The following SGMS1 variants were observed in gnomAD, a reference collection of about 807,000 sequenced individuals.
The protein encoded by SGMS1 is phosphatidylcholine:ceramide cholinephosphotransferase 1.
A neutral mutation model predicts 46.2 loss-of-function variants in SGMS1; 13 were observed. That is an observed-to-expected ratio of 0.28 (90% confidence interval 0.18 to 0.45). The LOEUF (loss-of-function observed/expected upper bound fraction) is 0.45. Among genes scored for constraint, SGMS1 ranks in the 20% least tolerant of loss-of-function variants. The pLI is 1.00. For synonymous variants in SGMS1, 203 were observed against 187.8 expected (o/e 1.08, Z -0.66); for missense variants, 324 against 519.9 (o/e 0.62, Z 3.66).
chr10:50,350,537 G>T (rs1183826508), intron 6 of SGMS1, among the ~76,000 whole-genome samples: 1 of 152,164 alleles, frequency 6.6e-6, no homozygotes, highest in Non-Finnish European at 1.5e-5. Context: ...ACAGGCCCAG[G>T]AGGAAAACGT....
At chr10:50,422,440 A>G (rs1487582228) in intron 6 of SGMS1, among the ~76,000 whole-genome samples, 2 of 152,184 alleles carry the variant, frequency 1.3e-5, no homozygotes, top group African/African-American at 4.8e-5. Flanking sequence ...GGCATGTTCC[A>G]ACAATACAGA....
chr10:50,579,766 A>G (rs186586069), intron 2 of SGMS1, among the ~76,000 whole-genome samples: 1 of 152,334 alleles, frequency 6.6e-6, no homozygotes, highest in Admixed American at 6.5e-5. Context: ...ACGGGAGTAA[A>G]CCAAGAAAGA....
At chr10:50,489,312 G>A (rs1254793807) in intron 3 of SGMS1, among the ~76,000 whole-genome samples, 1 of 152,176 alleles carries the variant, frequency 6.6e-6, no homozygotes, top group East Asian at 1.9e-4. Context: ...ACATGACAGA[G>A]ACACTCAACA....
intron 2 of SGMS1, among the ~76,000 whole-genome samples, chr10:50,525,031 A>G (rs533773932): frequency 2.4e-4 from 37 of 152,328 alleles, no homozygotes; most frequent in African/African-American, 8.7e-4. Flanking sequence ...GCTCAAGCAA[A>G]ATAATGTTTA....
chr10:50,600,655 T>C (rs767616443), intron 1 of SGMS1, among the ~76,000 whole-genome samples: 1 of 152,226 alleles, frequency 6.6e-6, no homozygotes, highest in Non-Finnish European at 1.5e-5. Context: ...ATGCTTCTGT[T>C]ACCCAGCTTC....
chr10:50,579,662 G>A lies in SGMS1; in HGVS notation c.-589+10491C>T, dbSNP rs886415598. Among the ~76,000 whole-genome samples, 3 of 152,254 alleles carry A rather than the reference G, an allele frequency of 2.0e-5. No individual in the cohort carries two copies. In the East Asian group the frequency reaches 5.8e-4, roughly 29 times the overall value. ...CCCAGCCACACTGTAAATTAAACGT[G>A]AATGTGACAGTCTCAGATATATAAC... is the stretch of plus-strand genomic sequence containing the variant. On this transcript the variant is annotated intron_variant, in intron 2 of 10. Transcript: ENST00000361781.
intron 2 of SGMS1, among the ~76,000 whole-genome samples, chr10:50,563,846 A>G (rs183249123): frequency 1.3e-4 from 19 of 151,560 alleles, no homozygotes; most frequent in South Asian, 4.2e-4. Flanking sequence ...CCACAGGCCC[A>G]GGGTTTCTGA....
chr10:50,551,712 C>T (rs1380509255), intron 2 of SGMS1, among the ~76,000 whole-genome samples: 3 of 152,020 alleles, frequency 2.0e-5, no homozygotes, highest in Admixed American at 6.6e-5. Flanking sequence ...GTCTTTGGCT[C>T]CTCTCCCTCC....
intron 5 of SGMS1, among the ~76,000 whole-genome samples, chr10:50,459,615 G>C (rs939947369): frequency 6.6e-6 from 1 of 152,208 alleles, no homozygotes; most frequent in Non-Finnish European, 1.5e-5. Flanking sequence ...TGTTGGCCAG[G>C]CTGGTCTCAA....
At chr10:50,424,636 T>C (rs548904882) in intron 6 of SGMS1, among the ~76,000 whole-genome samples, 1 of 152,248 alleles carries the variant, frequency 6.6e-6, no homozygotes, top group South Asian at 2.1e-4. Context: ...GAGAAAATAT[T>C]TGCAAACTAC....
In SGMS1 at chr10:50,307,955, G is replaced by A. The variant is rs1379151524; in HGVS notation, c.1062+27C>T. ...CAACATCAAGCCAGAAACAACAGAAGCTAAAATCAAAAGCGGGGAAACTCA... is the reference window on the plus strand; with the variant it reads ...CAACATCAAGCCAGAAACAACAGAAACTAAAATCAAAAGCGGGGAAACTCA... On this transcript the variant is annotated intron_variant, in intron 10 of 10. Transcript: ENST00000361781. This position sits in a 1 kb window ranked among gnomAD's most constrained non-coding sequence, Gnocchi z 4.2. The A allele has an allele frequency of 1.9e-6, 3 of 1,612,062 alleles. No homozygotes were observed. Among genetic ancestry groups the A allele is most frequent in the African/African-American group, 1.3e-5 (1 of 74,848 alleles).
intron 3 of SGMS1, among the ~76,000 whole-genome samples, chr10:50,516,367 C>T (rs1837806475): frequency 6.6e-6 from 1 of 152,156 alleles, no homozygotes; most frequent in African/African-American, 2.4e-5. Flanking sequence ...CAATTTTCTG[C>T]ATTCCATGTG....
intron 1 of SGMS1, among the ~76,000 whole-genome samples, chr10:50,596,753 G>C (rs1253143127): frequency 6.6e-6 from 1 of 152,190 alleles, no homozygotes; most frequent in Non-Finnish European, 1.5e-5. Flanking sequence ...TCATGAGCCA[G>C]ATCTCCTGCT....
At chr10:50,569,300 A>T (rs1838317278) in intron 2 of SGMS1, among the ~76,000 whole-genome samples, 1 of 5,800 alleles carries the variant, frequency 1.7e-4, no homozygotes, top group Non-Finnish European at 4.2e-4. Flanking sequence ...TTAAAGTATT[A>T]AAAAAAAAAA....
At chr10:50,340,656 A>C (rs1160208461) in intron 7 of SGMS1, 1 of 152,268 alleles carries the variant, frequency 6.6e-6, no homozygotes, top group East Asian at 1.9e-4. Flanking sequence ...AGTACAAAAA[A>C]AATCAAAACC....
chr10:50,582,848 A>T (rs922673833), intron 2 of SGMS1, among the ~76,000 whole-genome samples: 1 of 152,190 alleles, frequency 6.6e-6, no homozygotes, highest in Admixed American at 6.5e-5. Context: ...ATGCCCCACA[A>T]TCATAACACA....
intron 5 of SGMS1, among the ~76,000 whole-genome samples, chr10:50,444,363 T>C (rs1451782970): frequency 2.0e-5 from 3 of 152,112 alleles, no homozygotes; most frequent in African/African-American, 4.8e-5. Flanking sequence ...AAAACATACA[T>C]GGAGAAATTC....
intron 6 of SGMS1, among the ~76,000 whole-genome samples, chr10:50,426,754 G>T (rs907692465): frequency 6.6e-6 from 1 of 152,200 alleles, no homozygotes; most frequent in African/African-American, 2.4e-5. Context: ...GAAACCACTA[G>T]TCAGACAGAC....
At chr10:50,440,928 T>C (rs1323929528) in intron 5 of SGMS1, among the ~76,000 whole-genome samples, 2 of 152,174 alleles carry the variant, frequency 1.3e-5, no homozygotes, top group South Asian at 2.1e-4. Flanking sequence ...TTTCTAAATG[T>C]TTTACATGTA....
Sources: gnomAD v4.1 joint callset for allele counts (sites outside exome capture counted in the v4.1 genomes callset) on GRCh38, gnomAD v4.1.1 for gene constraint, Gnocchi (gnomAD v3.1) non-coding constraint, MANE v1.5 for transcripts, NCBI Gene and HGNC (gene_info 2026-07-23, HGNC 2026-07-21) for gene names.